The following DIP2A variants were observed in gnomAD, a reference collection of about 807,000 sequenced individuals.
The protein encoded by DIP2A is DIP2 acetate--CoA ligase A.
DIP2A carries 85 observed loss-of-function variants against 177.4 expected under a neutral mutation model. The ratio of observed to expected loss-of-function variants is 0.48; its 90% CI spans 0.40 to 0.57. The LOEUF is 0.57. Ranked by LOEUF, DIP2A falls within the 20% of genes least tolerant of loss-of-function variation. DIP2A has a pLI of 0.00. For synonymous variants in DIP2A, 886 were observed against 881.8 expected, an observed-to-expected ratio of 1.00 and a Z score of -0.08; for missense variants, 1,791 against 2,100.2, an observed-to-expected ratio of 0.85 and a Z score of 2.88.
At position 46,537,600 on chromosome 21, in the gene DIP2A, T is replaced by C; in HGVS notation, c.1801+61T>C. On this transcript the variant is annotated intron_variant, in intron 15 of 37. Coordinates refer to ENST00000417564, the MANE Select transcript of DIP2A (RefSeq NM_015151.4). The surrounding 1 kb of genome is among the most constrained non-coding windows in gnomAD (Gnocchi z 4.1). The stretch of plus-strand genomic sequence containing the variant: ...TTAGGGAAATCTCTTTGAACTGACC[T>C]TTGGTGCTTAAGAAAAAATAAAGCT... 1.3e-6 allele frequency: 2 copies of C among 1,504,248 alleles called. No homozygotes were observed. Among genetic ancestry groups the C allele is most frequent in the Non-Finnish European group, 1.8e-6 (2 of 1,090,960 alleles). The allele number at this position is 1,504,248 out of a possible 1,614,324, so 93.2% of individuals were successfully genotyped here. A position where few individuals can be genotyped will look rare whatever the true frequency, so the allele number is the denominator to read the frequency against.
At position 46,557,762 on chromosome 21, in the gene DIP2A, C is replaced by T; in HGVS notation, c.3798+9C>T. 6.3e-7 allele frequency: 1 copy of T among 1,599,082 alleles called. No homozygotes were observed. The highest frequency in any genetic ancestry group is 8.6e-7 in the Non-Finnish European group (1 of 1,167,748). On this transcript the variant is annotated intron_variant, in intron 31 of 37. Coordinates refer to ENST00000417564, the MANE Select transcript of DIP2A (RefSeq NM_015151.4). The surrounding 1 kb of genome is among the most constrained non-coding windows in gnomAD (Gnocchi z 6.0). ...AGACGGGTGTCCTCAGGGTGAGTGC[C>T]CAGACCCGGGCTTCTGAGTGTGCTG...
chr21:46,582,903 G>C, the DIP2A span, among the ~76,000 whole-genome samples: 29 of 152,178 alleles, frequency 1.9e-4, no homozygotes, highest in African/African-American at 6.7e-4. Flanking sequence ...TAACATGAAT[G>C]AATTAAACAG....
At chr21:46,509,397 A>G in intron 7 of DIP2A, 21 bp downstream of exon 7, 1 of 1,594,440 alleles carries the variant, frequency 6.3e-7, no homozygotes, top group Non-Finnish European at 8.5e-7. Context: ...TCCAACTTTG[A>G]GCTTTTCTGT....
At chr21:46,548,101 A>C (rs1435897799) in intron 21 of DIP2A, among the ~76,000 whole-genome samples, 2 of 152,098 alleles carry the variant, frequency 1.3e-5, no homozygotes, top group Non-Finnish European at 2.9e-5. Context: ...CTTGAGGAAA[A>C]AGCCCAGAGG....
At chr21:46,528,549 T>TAGA (rs1569043167) in intron 8 of DIP2A, among the ~76,000 whole-genome samples, 1 of 124,840 alleles carries the variant, frequency 8.0e-6, no homozygotes, top group African/African-American at 3.1e-5. Context: ...TTTTTTTTTT[T>TAGA]TTTTTTTTTT....
At chr21:46,483,568 C>T (rs2056492514) in intron 1 of DIP2A, among the ~76,000 whole-genome samples, 1 of 152,226 alleles carries the variant, frequency 6.6e-6, no homozygotes, top group South Asian at 2.1e-4. Context: ...GGCCGTGGCT[C>T]AGGCTCTTCT....
At chr21:46,524,309 C>G (rs541957156) in intron 8 of DIP2A, among the ~76,000 whole-genome samples, 5 of 152,130 alleles carry the variant, frequency 3.3e-5, no homozygotes, top group Admixed American at 6.6e-5. Flanking sequence ...GGCCTCGAAC[C>G]CAGGTTTGTT....
chr21:46,567,416 G>A lies in DIP2A; in HGVS notation c.4510G>A (p.Asp1504Asn). 6.2e-7 allele frequency: 1 copy of A among 1,613,974 alleles called. No individual in the cohort carries two copies. The highest frequency in any genetic ancestry group is 2.2e-5 in the East Asian group (1 of 44,882). Reference protein sequence around the residue: ...TNLLVVVVELDGLEQDALDLV... With the variant: ...TNLLVVVVELNGLEQDALDLV... The stretch of plus-strand genomic sequence containing the variant: ...CCTGCTGGTGGTGGTGGTGGAGCTG[G>A]ATGGGCTAGAGCAGGATGCCCTGGA... The change falls in exon 38 of 38, where the codon GAT (aspartate) becomes AAT (asparagine). Residue 1504 changes from aspartate to asparagine, a missense_variant. By Grantham distance (23) the Asp-to-Asn change is conservative. Transcript: ENST00000417564.
intron 1 of DIP2A, among the ~76,000 whole-genome samples, chr21:46,461,774 T>C (rs954986191): frequency 6.6e-6 from 1 of 152,014 alleles, no homozygotes; most frequent in African/African-American, 2.4e-5. Flanking sequence ...AAAAAAAGTA[T>C]TGAGCCCAGA....
chr21:46,565,428 G>A (rs993964576), intron 35 of DIP2A, among the ~76,000 whole-genome samples: 1 of 152,196 alleles, frequency 6.6e-6, no homozygotes, highest in Non-Finnish European at 1.5e-5. Flanking sequence ...TTGGATGTGA[G>A]GAAGGTGGAA....
chr21:46,468,397 C>G (rs1295103641), intron 1 of DIP2A, among the ~76,000 whole-genome samples: 4 of 146,782 alleles, frequency 2.7e-5, no homozygotes, highest in Non-Finnish European at 6.0e-5. Flanking sequence ...CCACTGCACT[C>G]CATGATACCC....
intron 8 of DIP2A, among the ~76,000 whole-genome samples, chr21:46,526,665 G>A (rs1569039096): frequency 6.6e-6 from 1 of 152,142 alleles, no homozygotes; most frequent in South Asian, 2.1e-4. Flanking sequence ...AAAGTGCCAG[G>A]ATTACAGGTG....
chr21:46,534,952 G>A (rs1316628217), intron 13 of DIP2A, among the ~76,000 whole-genome samples: 1 of 152,112 alleles, frequency 6.6e-6, no homozygotes, highest in Non-Finnish European at 1.5e-5. Flanking sequence ...AAATGCACAT[G>A]GATGTTGATT....
intron 36 of DIP2A, among the ~76,000 whole-genome samples, 164 bp downstream of exon 36, chr21:46,566,051 T>G (rs1370753419): frequency 6.6e-6 from 1 of 152,202 alleles, no homozygotes; most frequent in Non-Finnish European, 1.5e-5. Context: ...AAATACTGTT[T>G]TCCCTCCATG....
chr21:46,547,916 C>G (rs913459097), intron 21 of DIP2A, among the ~76,000 whole-genome samples: 1 of 152,066 alleles, frequency 6.6e-6, no homozygotes, highest in Non-Finnish European at 1.5e-5. Flanking sequence ...GCAATCCTCC[C>G]TCCTTGGCCT....
At chr21:46,476,295 TCTGA>T (rs2053989560) in intron 1 of DIP2A, among the ~76,000 whole-genome samples, 2 of 152,258 alleles carry the variant, frequency 1.3e-5, no homozygotes, top group African/African-American at 4.8e-5. Context: ...TCTGGCTCAA[TCTGA>T]CTAACTGCCG....
chr21:46,462,901 A>G (rs549768604), intron 1 of DIP2A: 2 of 152,346 alleles, frequency 1.3e-5, no homozygotes, highest in Admixed American at 6.5e-5. Flanking sequence ...ATCATCAACC[A>G]TAGTGATTGG....
chr21:46,582,614 C>T, the DIP2A span, among the ~76,000 whole-genome samples: 1 of 152,134 alleles, frequency 6.6e-6, no homozygotes, highest in Non-Finnish European at 1.5e-5. Flanking sequence ...CCTGCTTTTC[C>T]CGACTCTCCA....
At chr21:46,527,173 A>C (rs2059130317) in intron 8 of DIP2A, among the ~76,000 whole-genome samples, 3 of 151,052 alleles carry the variant, frequency 2.0e-5, no homozygotes, top group Admixed American at 2.0e-4. Context: ...TTTCTGTTGA[A>C]CCTCTTTGCA....
Sources: gnomAD v4.1 joint callset for allele counts (sites outside exome capture counted in the v4.1 genomes callset) on GRCh38, gnomAD v4.1.1 for gene constraint, Gnocchi (gnomAD v3.1) non-coding constraint, MANE v1.5 for transcripts, NCBI Gene and HGNC (gene_info 2026-07-23, HGNC 2026-07-21) for gene names.